The following LRRC61 variants were observed in gnomAD, a reference collection of about 807,000 sequenced individuals.
LRRC61 encodes the protein leucine rich repeat containing 61.
A neutral mutation model predicts 15.1 loss-of-function variants in LRRC61; 9 were observed. That is an observed-to-expected ratio of 0.60 (90% CI 0.36 to 1.04). The LOEUF (loss-of-function observed/expected upper bound fraction) is 1.04. Among genes scored for constraint, LRRC61 ranks in the 50% least tolerant of loss-of-function variants. LRRC61 has a pLI of 0.01. For missense variants in LRRC61, 344 were observed against 335.6 expected (o/e 1.03, Z -0.20); for synonymous variants, 173 against 158.6 (o/e 1.09, Z -0.68).
Position 150,333,990 on chromosome 7 carries a change from A to C in LRRC61, c.-144-2728A>C. On this transcript the variant is annotated intron_variant, in intron 2 of 2. Transcript: ENST00000359623. The surrounding 1 kb of genome is among the most constrained non-coding windows in gnomAD (Gnocchi z 4.3). Reference sequence around the variant, plus strand: ...TCTGGTGAGGGCAGGACGGGGCCACACTGGTGCAGGGCTGTGTGTTGGAGG... The same window carrying C: ...TCTGGTGAGGGCAGGACGGGGCCACCCTGGTGCAGGGCTGTGTGTTGGAGG... 1.0e-6 allele frequency: 1 copy of C among 984,954 alleles called. No homozygotes were observed. The highest frequency in any genetic ancestry group is 1.2e-6 in the Non-Finnish European group (1 of 829,824). The allele number at this position is 984,954 out of a possible 1,614,324, so 61.0% of individuals were successfully genotyped here. A position where few individuals can be genotyped will look rare whatever the true frequency, so the allele number is the denominator to read the frequency against.
At chr7:150,326,176 C>G in intron 2 of LRRC61, among the ~76,000 whole-genome samples, 166 bp downstream of exon 2, 1 of 152,190 alleles carries the variant, frequency 6.6e-6, no homozygotes, top group Admixed American at 6.5e-5. Flanking sequence ...GTCGTCTCAT[C>G]CTGAGCCCCA....
chr7:150,336,631 A>G, intron 2 of LRRC61, 87 bp from the exon 3 acceptor site: 1 of 590,852 alleles, frequency 1.7e-6, no homozygotes, highest in Non-Finnish European at 2.9e-6. Flanking sequence ...GTTGGTTTTC[A>G]TGGTAAAAGC....
chr7:150,311,341 T>A, the LRRC61 span, among the ~76,000 whole-genome samples: 1 of 152,174 alleles, frequency 6.6e-6, no homozygotes, highest in Non-Finnish European at 1.5e-5. Context: ...GACCTCACAG[T>A]TCTAGGCTGG....
At position 150,331,155 on chromosome 7, in the gene LRRC61, G is replaced by A. The variant is rs1798098450; in HGVS notation, c.-145+5145G>A. The A allele has an allele frequency of 1.9e-6, 3 of 1,546,506 alleles. No homozygotes were observed. In the South Asian group the frequency reaches 3.6e-5, roughly 19 times the overall value. On this transcript the variant is annotated intron_variant, in intron 2 of 2. Transcript: ENST00000359623. ...CCCTGAACAGCCCCACCCTTGTAGA[G>A]CAAAACTCTTCTCTCAAGGTGGAAG...
chr7:150,315,402 C>T, the LRRC61 span, among the ~76,000 whole-genome samples: 1 of 152,232 alleles, frequency 6.6e-6, no homozygotes, highest in African/African-American at 2.4e-5. Context: ...GCAACGCCTA[C>T]AAATCAATCA....
chr7:150,327,136 G>T (rs1285611364), intron 2 of LRRC61, among the ~76,000 whole-genome samples: 1 of 151,434 alleles, frequency 6.6e-6, no homozygotes, highest in Non-Finnish European at 1.5e-5. Context: ...CTCATTGTCA[G>T]ATCTTTTTTA....
At chr7:150,318,888 A>T (rs1365269247), upstream of LRRC61, among the ~76,000 whole-genome samples, 1 of 152,012 alleles carries the variant, frequency 6.6e-6, no homozygotes, top group Admixed American at 6.6e-5. Flanking sequence ...CATGCATTTC[A>T]CTCCCTTAGG....
chr7:150,334,332 C>G (rs1002047009), intron 2 of LRRC61, among the ~76,000 whole-genome samples: 1 of 152,148 alleles, frequency 6.6e-6, no homozygotes, highest in Non-Finnish European at 1.5e-5. Context: ...TCCTTAAAAG[C>G]CTTCCGTGTT....
At chr7:150,315,920 G>A in the LRRC61 span, among the ~76,000 whole-genome samples, 1,943 of 152,094 alleles carry the variant, frequency 0.013, 43 homozygotes, top group African/African-American at 0.045. Flanking sequence ...TGCATAGGCC[G>A]GCCGCGGTGG....
the LRRC61 span, among the ~76,000 whole-genome samples, chr7:150,316,489 T>A: frequency 1.7e-4 from 22 of 127,430 alleles, no homozygotes; most frequent in Non-Finnish European, 3.0e-5. Context: ...GGTTATTTTT[T>A]TTTTTTTTTT....
In LRRC61 at chr7:150,338,145, T is replaced by C. The variant is rs529863524; in HGVS notation, c.*504T>C. 3.8e-6 allele frequency: 3 copies of C among 788,230 alleles called. No homozygotes were observed. The East Asian group carries it at 1.9e-4, about 49-fold the overall frequency. 48.8% of individuals were successfully genotyped at this position (788,230 alleles called of 1,614,324 possible). On this transcript the variant is annotated 3_prime_UTR_variant, in exon 3 of 3. Transcript: ENST00000359623. The stretch of plus-strand genomic sequence containing the variant: ...TCCACACATCTATTAAATGCTTCTG[T>C]TTTCATTTGCATCCCTGCCTGGCAT...
At chr7:150,314,296 C>A in the LRRC61 span, among the ~76,000 whole-genome samples, 2 of 152,200 alleles carry the variant, frequency 1.3e-5, no homozygotes, top group African/African-American at 4.8e-5. Flanking sequence ...TTCCTTTAGC[C>A]CTGCCAAGGA....
At chr7:150,331,876 T>TA (rs1798118813) in intron 2 of LRRC61, 1 of 167,112 alleles carries the variant, frequency 6.0e-6, no homozygotes, top group Non-Finnish European at 1.5e-5. Context: ...AGTACACACA[T>TA]ACCCCCACAC....
At chr7:150,324,600 C>T (rs1354317047) in intron 1 of LRRC61, among the ~76,000 whole-genome samples, 6 of 152,178 alleles carry the variant, frequency 3.9e-5, no homozygotes, top group African/African-American at 1.4e-4. Context: ...TTCTGCACAG[C>T]ACTCCAGGAC....
chr7:150,333,412 G>A lies in LRRC61; in HGVS notation c.-144-3306G>A, dbSNP rs1013481365. Among the ~76,000 whole-genome samples, 1 of 152,224 alleles carries A rather than the reference G, an allele frequency of 6.6e-6. No homozygotes were observed. Among genetic ancestry groups the A allele is most frequent in the Non-Finnish European group, 1.5e-5 (1 of 68,040 alleles). On this transcript the variant is annotated intron_variant, in intron 2 of 2. Transcript: ENST00000359623. This position sits in a 1 kb window ranked among gnomAD's most constrained non-coding sequence, Gnocchi z 4.3. ...TCAGCACCCTCCAATGTGCAGGACGGCCTCCACAACCAAGGCTCAGCCTGC... is the reference window on the plus strand; with the variant it reads ...TCAGCACCCTCCAATGTGCAGGACGACCTCCACAACCAAGGCTCAGCCTGC...
In LRRC61 at chr7:150,330,579, G is replaced by A. The variant is rs146899479; in HGVS notation, c.-145+4569G>A. On this transcript the variant is annotated intron_variant, in intron 2 of 2. Transcript: ENST00000359623. The surrounding 1 kb of genome is among the most constrained non-coding windows in gnomAD (Gnocchi z 4.6). The stretch of plus-strand genomic sequence containing the variant: ...GGGGTTGGCCCGGCAGCTCTGCACC[G>A]ACTGTCAGCTCAACAAGCTCTTCTA... 5.7e-5 allele frequency: 45 copies of A among 791,360 alleles called. No individual in the cohort carries two copies. The highest frequency in any genetic ancestry group is 3.9e-4 in the African/African-American group (23 of 59,358). 49.0% of individuals were successfully genotyped at this position (791,360 alleles called of 1,614,324 possible). A position where few individuals can be genotyped will look rare whatever the true frequency, so the allele number is the denominator to read the frequency against.
upstream of LRRC61, among the ~76,000 whole-genome samples, chr7:150,318,806 T>C (rs963171310): frequency 2.0e-5 from 3 of 152,198 alleles, no homozygotes; most frequent in Non-Finnish European, 2.9e-5. Context: ...AAGATTCTTC[T>C]GGGGGCCCGT....
In LRRC61 at chr7:150,333,750, C is replaced by T. The variant is rs1185086754; in HGVS notation, c.-144-2968C>T. ...AAGGACGGCTCCTTCTGGAGGAGTG[C>T]TGAAGCAGGTGGACGTGCGGGAAGC... On this transcript the variant is annotated intron_variant, in intron 2 of 2. Coordinates refer to ENST00000359623, the MANE Select transcript of LRRC61 (RefSeq NM_001142928.2). The surrounding 1 kb of genome is among the most constrained non-coding windows in gnomAD (Gnocchi z 4.3). 1.3e-5 allele frequency among the ~76,000 whole-genome samples: 2 copies of T among 152,186 alleles called. No individual in the cohort carries two copies. The highest frequency in any genetic ancestry group is 1.3e-4 in the Admixed American group (2 of 15,278).
the LRRC61 span, among the ~76,000 whole-genome samples, chr7:150,317,536 A>G: frequency 6.6e-6 from 1 of 152,106 alleles, no homozygotes; most frequent in East Asian, 1.9e-4. Flanking sequence ...AATTTTACCT[A>G]TTTTCCAGTT....
Sources: gnomAD v4.1 joint callset for allele counts (sites outside exome capture counted in the v4.1 genomes callset) on GRCh38, gnomAD v4.1.1 for gene constraint, Gnocchi (gnomAD v3.1) non-coding constraint, MANE v1.5 for transcripts, NCBI Gene and HGNC (gene_info 2026-07-23, HGNC 2026-07-21) for gene names.